The following ZNF469 variants were observed in gnomAD, a reference collection of about 807,000 sequenced individuals.
The protein encoded by ZNF469 is zinc finger protein 469.
ZNF469 carries 1 observed loss-of-function variant against 1.0 expected under a neutral mutation model. The observed-to-expected ratio is 1.00, with a 90% CI of 0.35 to 4.73. The LOEUF (loss-of-function observed/expected upper bound fraction) is 4.73, where lower values mean the gene tolerates loss of function less well. Ranked by LOEUF, ZNF469 falls within the 30% of genes most tolerant of loss-of-function variation. The pLI is 0.16. For synonymous variants in ZNF469, 2,703 were observed against 2,363.4 expected (o/e 1.14, Z -4.17); for missense variants, 6,100 against 5,356.3 (o/e 1.14, Z -4.33).
chr16:88,336,602 CAT>C, the ZNF469 span, among the ~76,000 whole-genome samples: 297 of 152,292 alleles, frequency 2.0e-3, 3 homozygotes, highest in African/African-American at 6.7e-3. Flanking sequence ...CAACACCACA[CAT>C]GTTCATCCTT....
At chr16:88,204,192 G>A in the ZNF469 span, among the ~76,000 whole-genome samples, 3 of 150,188 alleles carry the variant, frequency 2.0e-5, no homozygotes, top group East Asian at 2.0e-4. Flanking sequence ...AGCCGGAGGC[G>A]CCCCGTAACC....
At chr16:88,315,299 G>A in the ZNF469 span, among the ~76,000 whole-genome samples, 1 of 152,168 alleles carries the variant, frequency 6.6e-6, no homozygotes, top group Non-Finnish European at 1.5e-5. Context: ...GGCTGGCACG[G>A]CACTGGCCCC....
rs776840891 is a variant in ZNF469 at position 88,428,919 on chromosome 16, T to G, written c.1449T>G (p.Pro483=). The change falls in exon 3 of 3, where the codon CCT becomes CCG. Residue 483 remains proline, a synonymous_variant. Transcript: ENST00000565624. ...RLCLPQSAPL[P]WPQVLPTARP... ...GCCTCCCCCAGAGTGCCCCCCTGCCTTGGCCCCAAGTGCTCCCGACCGCCC... is the reference window on the plus strand; with the variant it reads ...GCCTCCCCCAGAGTGCCCCCCTGCCGTGGCCCCAAGTGCTCCCGACCGCCC... 6.5e-7 allele frequency: 1 copy of G among 1,546,148 alleles called. No individual in the cohort carries two copies. The highest frequency in any genetic ancestry group is 1.2e-5 in the South Asian group (1 of 83,908).
intron 1 of ZNF469, among the ~76,000 whole-genome samples, chr16:88,395,546 C>G (rs1904635628): frequency 6.6e-6 from 1 of 151,992 alleles, no homozygotes; most frequent in African/African-American, 2.4e-5. Flanking sequence ...GGGTGTGCCA[C>G]TCTTGAGTAT....
At chr16:88,239,665 T>TG in the ZNF469 span, among the ~76,000 whole-genome samples, 16 of 73,232 alleles carry the variant, frequency 2.2e-4, no homozygotes, top group African/African-American at 2.9e-4. Flanking sequence ...TTTTTTTTTT[T>TG]TGTATATATA....
the ZNF469 span, among the ~76,000 whole-genome samples, chr16:88,138,789 C>T: frequency 2.0e-5 from 3 of 152,242 alleles, no homozygotes; most frequent in African/African-American, 7.2e-5. Flanking sequence ...AAAGCATTTC[C>T]ACTAAAGTCA....
At chr16:88,230,241 C>G in the ZNF469 span, among the ~76,000 whole-genome samples, 1 of 152,270 alleles carries the variant, frequency 6.6e-6, no homozygotes, top group Non-Finnish European at 1.5e-5. Flanking sequence ...CACCCTTCCA[C>G]CTTCAGCTGG....
At chr16:88,166,259 G>A in the ZNF469 span, among the ~76,000 whole-genome samples, 8 of 152,108 alleles carry the variant, frequency 5.3e-5, no homozygotes, top group Non-Finnish European at 8.8e-5. The surrounding 1 kb of genome is among the most constrained non-coding windows in gnomAD (Gnocchi z 4.5). Flanking sequence ...CACTCACTTT[G>A]ATCAAATCTC....
the ZNF469 span, among the ~76,000 whole-genome samples, chr16:88,163,912 A>ATGGG: frequency 6.6e-6 from 1 of 150,446 alleles, no homozygotes; most frequent in African/African-American, 2.5e-5. Flanking sequence ...GGATGGATGG[A>ATGGG]TGGATGAGTG....
At chr16:88,130,488 CT>C in the ZNF469 span, among the ~76,000 whole-genome samples, 51 of 152,110 alleles carry the variant, frequency 3.4e-4, no homozygotes, top group South Asian at 0.011. Flanking sequence ...GGCGGATCAC[CT>C]GAGGTCAGGA....
the ZNF469 span, among the ~76,000 whole-genome samples, chr16:88,353,364 C>T: frequency 6.6e-6 from 1 of 152,182 alleles, no homozygotes; most frequent in Non-Finnish European, 1.5e-5. Flanking sequence ...GGGACAGTGT[C>T]ACTACTCCCA....
chr16:88,327,679 C>T, the ZNF469 span, among the ~76,000 whole-genome samples: 6 of 152,152 alleles, frequency 3.9e-5, no homozygotes, highest in Admixed American at 2.6e-4. Flanking sequence ...GCTCCTCCAC[C>T]GCCCTCTCCC....
chr16:88,237,782 GCCCTCCTTGCTCCCGCCACT>G, the ZNF469 span, among the ~76,000 whole-genome samples: 4 of 146,250 alleles, frequency 2.7e-5, no homozygotes, highest in Non-Finnish European at 6.1e-5. Flanking sequence ...CACCCTCCCT[GCCCTCCTTGCTCCCGCCACT>G]CACCCTCCCT....
At chr16:88,309,934 G>C in the ZNF469 span, among the ~76,000 whole-genome samples, 1 of 152,236 alleles carries the variant, frequency 6.6e-6, no homozygotes, top group African/African-American at 2.4e-5. Context: ...CCAGAGGCCA[G>C]ATCCCTCCAC....
At chr16:88,170,669 T>G in the ZNF469 span, among the ~76,000 whole-genome samples, 1 of 152,176 alleles carries the variant, frequency 6.6e-6, no homozygotes, top group African/African-American at 2.4e-5. The surrounding 1 kb of genome is among the most constrained non-coding windows in gnomAD (Gnocchi z 4.2). Context: ...ACGCCCTGCT[T>G]GTCTGCTCGT....
At chr16:88,104,555 C>T in the ZNF469 span, among the ~76,000 whole-genome samples, 2 of 152,272 alleles carry the variant, frequency 1.3e-5, no homozygotes, top group Non-Finnish European at 2.9e-5. Context: ...CAGCTCTGGT[C>T]CTGTCCCATG....
Position 88,435,752 on chromosome 16 carries a change from C to A in ZNF469, c.8282C>A (p.Thr2761Asn), listed in dbSNP as rs1344091023. Residue 2761 changes from threonine to asparagine, a missense_variant, in exon 3 of 3, where the codon ACC becomes AAC. Transcript: ENST00000565624. The stretch of plus-strand genomic sequence containing the variant: ...AGGGGGTTCTGGGGACCAAGAGAGA[C>A]CAAGGCGTTGGGTGTGTGCAAAGAG... ...SARGFWGPRE[T>N]KALGVCKESG... The A allele has an allele frequency of 1.3e-6, 2 of 1,550,712 alleles. No individual in the cohort carries two copies. The highest frequency in any genetic ancestry group is 2.7e-5 in the African/African-American group (2 of 73,052).
Position 88,430,757 on chromosome 16 carries a change from CG to C in ZNF469, c.3289del (p.Glu1097SerfsTer30), listed in dbSNP as rs1906108213. ...AGGCTCCGCGAGTACGACTTCGCCTCGGAGTCCGAGGAGGACGAGCAGCCTC... is the reference window on the plus strand; with the variant it reads ...AGGCTCCGCGAGTACGACTTCGCCTCGAGTCCGAGGAGGACGAGCAGCCTC... The part of the protein sequence containing the change: ...DRRLREYDFA[S>X]ESEEDEQPPP... On this transcript the variant is annotated frameshift_variant, in exon 3 of 3. Coordinates refer to ENST00000565624, the MANE Select transcript of ZNF469 (RefSeq NM_001367624.2). LOFTEE classifies it low-confidence loss of function (END_TRUNC). The C allele has an allele frequency of 6.6e-7, 1 of 1,509,404 alleles. No homozygotes were observed. Among genetic ancestry groups the C allele is most frequent in the Non-Finnish European group, 8.8e-7 (1 of 1,136,092 alleles). The allele number at this position is 1,509,404 out of a possible 1,614,324, so 93.5% of individuals were successfully genotyped here. A position where few individuals can be genotyped will look rare whatever the true frequency, so the allele number is the denominator to read the frequency against.
the ZNF469 span, among the ~76,000 whole-genome samples, chr16:88,114,339 C>A: frequency 7.2e-6 from 1 of 139,602 alleles, no homozygotes; most frequent in Admixed American, 7.5e-5. Context: ...CACTCACTGA[C>A]TGCGGGGGTC....
Sources: allele counts gnomAD v4.1 joint callset (sites outside exome capture counted in the v4.1 genomes callset), GRCh38; gene constraint gnomAD v4.1.1; non-coding constraint Gnocchi (gnomAD v3.1); transcripts MANE v1.5; gene names NCBI Gene and HGNC (gene_info 2026-07-23, HGNC 2026-07-21).